DPP6: variants seen among roughly 807,000 people sequenced by gnomAD.
DPP6 encodes A-type potassium channel modulatory protein DPP6.
In DPP6, 69 loss-of-function variants were observed where a neutral mutation model predicts 122.6. The observed-to-expected ratio is 0.56, with a 90% CI of 0.46 to 0.69. DPP6 has a LOEUF of 0.69. DPP6 is among the 30% of genes least tolerant of loss of function. The probability of loss-of-function intolerance (pLI) is 0.00; values close to 1 mark genes in which losing one functional copy is unlikely to be tolerated. For synonymous variants in DPP6, 418 were observed against 433.1 expected (o/e 0.97, Z 0.43); for missense variants, 928 against 1,116.9 (o/e 0.83, Z 2.41).
intron 1 of DPP6, among the ~76,000 whole-genome samples, chr7:154,298,325 G>A (rs1805679959): frequency 6.8e-6 from 1 of 146,732 alleles, no homozygotes; most frequent in African/African-American, 2.5e-5. Context: ...CCTGCTGCGT[G>A]TGCAGCCTAT....
chr7:153,842,866 TCTC>T, the DPP6 span, among the ~76,000 whole-genome samples: 2 of 152,178 alleles, frequency 1.3e-5, no homozygotes, highest in Non-Finnish European at 2.9e-5. Flanking sequence ...AATATTCAAA[TCTC>T]CTCTAAAAAT....
intron 1 of DPP6, among the ~76,000 whole-genome samples, chr7:154,024,695 G>A (rs767959440): frequency 2.6e-5 from 4 of 152,154 alleles, no homozygotes; most frequent in Non-Finnish European, 5.9e-5. Context: ...TCTTGTTTAG[G>A]GTTTATTGTG....
At chr7:154,493,374 G>A (rs921506136) in intron 3 of DPP6, among the ~76,000 whole-genome samples, 1 of 152,130 alleles carries the variant, frequency 6.6e-6, no homozygotes, top group African/African-American at 2.4e-5. Flanking sequence ...GCAACTTTCC[G>A]TGGTTCAGTG....
At chr7:153,995,043 C>A (rs1322531277) in intron 1 of DPP6, among the ~76,000 whole-genome samples, 3 of 152,138 alleles carry the variant, frequency 2.0e-5, no homozygotes, top group Non-Finnish European at 4.4e-5. Context: ...ATTGAGGGAC[C>A]AGCCTGCCTG....
chr7:154,580,329 T>C (rs948960223), intron 5 of DPP6, among the ~76,000 whole-genome samples: 3 of 152,132 alleles, frequency 2.0e-5, no homozygotes, highest in Non-Finnish European at 4.4e-5. Context: ...TTGACAAATT[T>C]TTCTCTCTTA....
At chr7:154,498,407 C>T (rs1315896157) in intron 3 of DPP6, among the ~76,000 whole-genome samples, 1 of 152,112 alleles carries the variant, frequency 6.6e-6, no homozygotes, top group African/African-American at 2.4e-5. Context: ...GGCATGATCT[C>T]GGGTTACTGC....
chr7:154,036,021 T>C (rs201164414), intron 1 of DPP6, among the ~76,000 whole-genome samples: 105 of 21,710 alleles, frequency 4.8e-3, no homozygotes, highest in Admixed American at 0.018. Flanking sequence ...CGCGCGCGCT[T>C]GTGTGTGTGT....
At chr7:154,372,074 C>G (rs1035114142) in intron 1 of DPP6, among the ~76,000 whole-genome samples, 25 of 151,972 alleles carry the variant, frequency 1.6e-4, no homozygotes, top group Non-Finnish European at 3.2e-4. Flanking sequence ...AGACCACCCC[C>G]CGGGGAGTGG....
At chr7:154,091,356 G>T (rs866699939) in intron 1 of DPP6, among the ~76,000 whole-genome samples, 1 of 152,070 alleles carries the variant, frequency 6.6e-6, no homozygotes, top group Non-Finnish European at 1.5e-5. Flanking sequence ...TATTTTGAGC[G>T]GTCTATGGCT....
chr7:153,976,188 CTG>C, intron 1 of DPP6, among the ~76,000 whole-genome samples: 1 of 152,054 alleles, frequency 6.6e-6, no homozygotes, highest in Non-Finnish European at 1.5e-5. Flanking sequence ...TAAAAGAAGT[CTG>C]TATTGAAAGA....
At chr7:154,427,191 G>A (rs922799900) in intron 1 of DPP6, among the ~76,000 whole-genome samples, 3 of 152,180 alleles carry the variant, frequency 2.0e-5, no homozygotes, top group Admixed American at 6.5e-5. Flanking sequence ...AGAGGCACAA[G>A]TATTTTTGTC....
chr7:154,344,101 G>C (rs936269432), intron 1 of DPP6, among the ~76,000 whole-genome samples: 27 of 152,194 alleles, frequency 1.8e-4, no homozygotes, highest in African/African-American at 6.3e-4. Flanking sequence ...GGCAGGAGGG[G>C]CACTGCCCTG....
At chr7:154,796,710 AT>A (rs1425396668) in intron 12 of DPP6, among the ~76,000 whole-genome samples, 1 of 152,220 alleles carries the variant, frequency 6.6e-6, no homozygotes, top group Non-Finnish European at 1.5e-5. Flanking sequence ...GGTGGATCCT[AT>A]TTATGGAAAA....
At chr7:154,721,405 G>A (rs1212636925) in intron 7 of DPP6, among the ~76,000 whole-genome samples, 2 of 152,196 alleles carry the variant, frequency 1.3e-5, no homozygotes, top group Non-Finnish European at 2.9e-5. Flanking sequence ...AAGCAGGAAT[G>A]ATAGTACCTG....
chr7:154,279,657 T>C (rs997988474), intron 1 of DPP6, among the ~76,000 whole-genome samples: 6 of 152,202 alleles, frequency 3.9e-5, no homozygotes, highest in African/African-American at 1.2e-4. Context: ...ACCCAGTTGT[T>C]GGAAAAGGGT....
the DPP6 span, among the ~76,000 whole-genome samples, chr7:153,795,783 T>C: frequency 0.42 from 62,355 of 146,938 alleles, 13,625 homozygotes; most frequent in South Asian, 0.52. Flanking sequence ...TCAAAATTAA[T>C]GTGGTATGAT....
In DPP6 at chr7:154,296,036, C is replaced by T. The variant is rs139423013; in HGVS notation, c.244-150178C>T. On this transcript the variant is annotated intron_variant, in intron 1 of 25. Transcript: ENST00000377770. ...CTCGGCTCACTGCAAGCTCTACCTC[C>T]CAGGTTCACGCCATTCTCCTGCCTC... 3.0e-3 allele frequency among the ~76,000 whole-genome samples: 388 copies of T among 127,222 alleles called. 3 individuals carry two copies. Among genetic ancestry groups the T allele is most frequent in the African/African-American group, 0.013 (371 of 29,102 alleles). 83.5% of individuals were successfully genotyped at this position (127,222 alleles called of 152,430 possible).
At chr7:154,834,967 T>G (rs1366532043) in intron 16 of DPP6, among the ~76,000 whole-genome samples, 1 of 152,166 alleles carries the variant, frequency 6.6e-6, no homozygotes, top group African/African-American at 2.4e-5. Flanking sequence ...ACAGTCTAAG[T>G]ATGATATGTA....
At chr7:154,806,098 C>T (rs981710715) in intron 15 of DPP6, among the ~76,000 whole-genome samples, 3 of 152,030 alleles carry the variant, frequency 2.0e-5, no homozygotes, top group Admixed American at 6.5e-5. Flanking sequence ...GATGTTCCAT[C>T]GTCACCATGT....
Sources: allele counts gnomAD v4.1 joint callset (sites outside exome capture counted in the v4.1 genomes callset), GRCh38; gene constraint gnomAD v4.1.1; transcripts MANE v1.5; gene names NCBI Gene and HGNC (gene_info 2026-07-23, HGNC 2026-07-21).